Variants in SCRN1 observed in about 807,000 individuals in gnomAD.
SCRN1 encodes the protein secernin-1.
In SCRN1, 19 loss-of-function variants were observed where a neutral mutation model predicts 43.3. The ratio of observed to expected loss-of-function variants is 0.44; its 90% CI spans 0.31 to 0.64. SCRN1 has a LOEUF of 0.64. Ranked by LOEUF, SCRN1 falls within the 30% of genes least tolerant of loss-of-function variation. The probability of loss-of-function intolerance (pLI) is 0.09; values close to 1 mark genes in which losing one functional copy is unlikely to be tolerated. For synonymous variants in SCRN1, 183 were observed against 188.9 expected (o/e 0.97, Z 0.26); for missense variants, 447 against 524.1 (o/e 0.85, Z 1.44).
chr7:29,953,476 A>G (rs959136266), intron 3 of SCRN1, among the ~76,000 whole-genome samples: 2 of 152,194 alleles, frequency 1.3e-5, no homozygotes, highest in African/African-American at 4.8e-5. Context: ...TGCCTGTTCT[A>G]TAAGTCTCAT....
intron 2 of SCRN1, among the ~76,000 whole-genome samples, chr7:29,962,424 C>T (rs1289290908): frequency 3.3e-5 from 5 of 151,962 alleles, no homozygotes; most frequent in African/African-American, 7.2e-5. Context: ...TGGTGGCTCA[C>T]GCCTGTAATC....
intron 3 of SCRN1, among the ~76,000 whole-genome samples, chr7:29,952,318 A>G (rs1405476031): frequency 1.3e-5 from 2 of 152,250 alleles, no homozygotes; most frequent in African/African-American, 4.8e-5. Context: ...CTTGCCACTC[A>G]AACTGTGGTT....
chr7:29,950,187 G>A lies in SCRN1; in HGVS notation c.341+4992C>T, dbSNP rs958456918. Among the ~76,000 whole-genome samples the A allele has an allele frequency of 4.6e-5, 7 of 152,328 alleles. No individual in the cohort carries two copies. The highest frequency in any genetic ancestry group is 3.3e-4 in the Admixed American group (5 of 15,308). On this transcript the variant is annotated intron_variant, in intron 3 of 7. Transcript: ENST00000242059. This position sits in a 1 kb window ranked among gnomAD's most constrained non-coding sequence, Gnocchi z 4.5. ...TGGAAGTGCCTGCTTCCTGCTCCCT[G>A]ACCTCTTCCCGCTTCCCAGCACCTG... is the stretch of plus-strand genomic sequence containing the variant.
rs1562813509 is a variant in SCRN1 at position 29,955,227 on chromosome 7, C to A, written c.293G>T (p.Arg98Ile). The A allele has an allele frequency of 6.2e-7, 1 of 1,614,082 alleles. No individual in the cohort carries two copies. Among genetic ancestry groups the A allele is most frequent in the Non-Finnish European group, 8.5e-7 (1 of 1,180,054 alleles). ...GGCTTCTATCTCGGCAGCTGGCTCT[C>A]TGGTGTTGATGGCTTCATTGGCTAT... The part of the protein sequence containing the change: ...VCIANEAINT[R>I]EPAAEIEALL... Residue 98 changes from arginine to isoleucine, a missense_variant, in exon 3 of 8, where the codon AGA becomes ATA. Coordinates refer to ENST00000242059, the MANE Select transcript of SCRN1 (RefSeq NM_014766.5).
intron 1 of SCRN1, among the ~76,000 whole-genome samples, chr7:29,970,972 TGATGCCA>T (rs1365157255): frequency 1.3e-5 from 2 of 152,272 alleles, no homozygotes; most frequent in Non-Finnish European, 2.9e-5. Context: ...AAGGCAGGAC[TGATGCCA>T]TCCAACCATA....
chr7:29,988,298 G>C (rs539321254), intron 1 of SCRN1, among the ~76,000 whole-genome samples: 2 of 152,306 alleles, frequency 1.3e-5, no homozygotes, highest in East Asian at 3.9e-4. Context: ...CTTTAGTTGA[G>C]CCTGGAGAAA....
At chr7:29,981,910 T>C (rs1045334425) in intron 1 of SCRN1, among the ~76,000 whole-genome samples, 3 of 152,120 alleles carry the variant, frequency 2.0e-5, no homozygotes, top group East Asian at 1.9e-4. Context: ...AAGGCTCAGA[T>C]TGTGGGTAGG....
At chr7:29,939,289 C>T (rs562290530) in intron 5 of SCRN1, among the ~76,000 whole-genome samples, 2 of 152,150 alleles carry the variant, frequency 1.3e-5, no homozygotes, top group South Asian at 4.2e-4. Context: ...TCATACCTCA[C>T]CGCAGCCTTG....
rs1788094571 is a variant in SCRN1 at position 29,955,261 on chromosome 7, C to T, written c.259G>A (p.Gly87Arg). ...ATGGCTTCATTGGCTATGCACACTC[C>T]ATGTTCATTGGCTCCCATTTCTGCT... The part of the protein sequence containing the change: ...WGAEMGANEH[G>R]VCIANEAINT... The change falls in exon 3 of 8, where the codon GGA becomes AGA. Residue 87 changes from glycine to arginine, a missense_variant. Gly to Arg is a moderately radical substitution (Grantham distance 125, BLOSUM62 -2). Coordinates refer to ENST00000242059, the MANE Select transcript of SCRN1 (RefSeq NM_014766.5). 1.2e-6 allele frequency: 2 copies of T among 1,614,150 alleles called. No homozygotes were observed. The highest frequency in any genetic ancestry group is 1.7e-6 in the Non-Finnish European group (2 of 1,180,014).
intron 6 of SCRN1, among the ~76,000 whole-genome samples, chr7:29,934,746 G>C (rs560210575): frequency 1.0e-3 from 156 of 152,368 alleles, no homozygotes; most frequent in Non-Finnish European, 1.6e-3. Context: ...CAAACAGGAG[G>C]AGCCTCCTGA....
Position 29,921,420 on chromosome 7 carries a change from C to A in SCRN1, c.*2537G>T, listed in dbSNP as rs1343451689. On this transcript the variant is annotated 3_prime_UTR_variant, in exon 8 of 8. Transcript: ENST00000242059. ...CTATAACAGCCTGCTCAAAACCCAACAACCTATTTCCAGCTGTTAATATAA... is the reference window on the plus strand; with the variant it reads ...CTATAACAGCCTGCTCAAAACCCAAAAACCTATTTCCAGCTGTTAATATAA... 1.3e-5 allele frequency: 2 copies of A among 152,198 alleles called. No individual in the cohort carries two copies. Among genetic ancestry groups the A allele is most frequent in the Non-Finnish European group, 2.9e-5 (2 of 68,030 alleles). The allele number at this position is 152,198 out of a possible 1,614,324, so 9.4% of individuals were successfully genotyped here. A position where few individuals can be genotyped will look rare whatever the true frequency, so the allele number is the denominator to read the frequency against.
At chr7:29,932,648 T>C (rs1583652845) in intron 6 of SCRN1, among the ~76,000 whole-genome samples, 1 of 56,688 alleles carries the variant, frequency 1.8e-5, no homozygotes, top group Admixed American at 2.8e-4. Flanking sequence ...TGAGATTCCA[T>C]CTCAAAAAAA....
Position 29,936,558 on chromosome 7 carries a change from G to A in SCRN1, c.903C>T (p.Ser301=). 6.4e-7 allele frequency: 1 copy of A among 1,572,858 alleles called. No individual in the cohort carries two copies. The highest frequency in any genetic ancestry group is 8.7e-7 in the Non-Finnish European group (1 of 1,149,524). The change falls in exon 6 of 8, where the codon TCC becomes TCT. Residue 301 remains serine (S), a splice_region_variant and synonymous_variant. Transcript: ENST00000242059. The part of the protein sequence containing the change: ...IHYFTGTPDP[S]RSIFKPFIFV... ...ACGTGACCAGGCCTCGGACAAACCT[G>A]GAAGGATCAGGGGTTCCAGTGAAGT...
chr7:29,976,609 G>A (rs1268502366), intron 1 of SCRN1, among the ~76,000 whole-genome samples: 2 of 152,186 alleles, frequency 1.3e-5, no homozygotes, highest in African/African-American at 4.8e-5. Flanking sequence ...GTAAAAATTA[G>A]AAAATTAAAG....
intron 6 of SCRN1, among the ~76,000 whole-genome samples, chr7:29,930,710 GAA>G (rs1787130142): frequency 6.9e-6 from 1 of 145,238 alleles, no homozygotes; most frequent in Non-Finnish European, 1.5e-5. Flanking sequence ...CCAACCTTCA[GAA>G]AAGTCACCAA....
At chr7:29,987,281 T>C (rs1789191835) in intron 1 of SCRN1, among the ~76,000 whole-genome samples, 1 of 152,244 alleles carries the variant, frequency 6.6e-6, no homozygotes, top group Non-Finnish European at 1.5e-5. Flanking sequence ...CTAAGGTCAC[T>C]GACTCATGAC....
At chr7:29,982,591 G>C (rs1260081775) in intron 1 of SCRN1, among the ~76,000 whole-genome samples, 1 of 149,822 alleles carries the variant, frequency 6.7e-6, no homozygotes, top group Non-Finnish European at 1.5e-5. Flanking sequence ...GCTGAGGTGA[G>C]AGGACTGCTT....
rs566546294 is a variant in SCRN1 at position 29,958,878 on chromosome 7, T to C, written c.160-3518A>G. On this transcript the variant is annotated intron_variant, in intron 2 of 7. Coordinates refer to ENST00000242059, the MANE Select transcript of SCRN1 (RefSeq NM_014766.5). ...TCTAAATGTCAGCACTGCCCAGTGC[T>C]AATCAGGGGGTTTCCAAGGATCCGC... Among the ~76,000 whole-genome samples the C allele has an allele frequency of 1.2e-4, 19 of 152,334 alleles. No individual in the cohort carries two copies. The East Asian group carries it at 3.7e-3, about 29-fold the overall frequency.
intron 1 of SCRN1, among the ~76,000 whole-genome samples, chr7:29,979,930 T>C (rs1257181289): frequency 2.6e-5 from 4 of 152,148 alleles, no homozygotes; most frequent in Admixed American, 2.6e-4. Context: ...TTCATAGAAA[T>C]ATAAAGAAAG....
Sources: gnomAD v4.1 joint callset for allele counts (sites outside exome capture counted in the v4.1 genomes callset) on GRCh38, gnomAD v4.1.1 for gene constraint, Gnocchi (gnomAD v3.1) non-coding constraint, MANE v1.5 for transcripts, NCBI Gene and HGNC (gene_info 2026-07-23, HGNC 2026-07-21) for gene names.